Variants in BTRC observed in about 807,000 individuals in gnomAD.
The protein encoded by BTRC is beta-transducin repeat containing E3 ubiquitin protein ligase, also known as F-box/WD repeat-containing protein 1A.
A neutral mutation model predicts 85.5 loss-of-function variants in BTRC; 42 were observed. The observed-to-expected ratio is 0.49, with a 90% CI of 0.38 to 0.64. The LOEUF is 0.64. BTRC is among the 30% of genes least tolerant of loss of function. The pLI, the probability that BTRC is intolerant of heterozygous loss-of-function variation, is 0.00. For synonymous variants in BTRC, 255 were observed against 263.3 expected (o/e 0.97, Z 0.30); for missense variants, 594 against 743.5 (o/e 0.80, Z 2.34).
At chr10:101,396,517 C>A (rs1457604251) in intron 1 of BTRC, among the ~76,000 whole-genome samples, 1 of 150,962 alleles carries the variant, frequency 6.6e-6, no homozygotes, top group African/African-American at 2.4e-5. Context: ...GCCCACTACT[C>A]ACTTGTTCTG....
At chr10:101,459,013 T>C (rs2134162320) in intron 2 of BTRC, among the ~76,000 whole-genome samples, 1 of 152,360 alleles carries the variant, frequency 6.6e-6, no homozygotes, top group South Asian at 2.1e-4. Context: ...ATGCCCAGAC[T>C]GCTCTCAAAC....
chr10:101,487,116 A>G (rs537978591), intron 4 of BTRC, among the ~76,000 whole-genome samples: 1 of 152,322 alleles, frequency 6.6e-6, no homozygotes, highest in South Asian at 2.1e-4. Flanking sequence ...TTGTTGTTAT[A>G]TGGGACAAAA....
At chr10:101,365,465 A>T (rs1942344095) in intron 1 of BTRC, among the ~76,000 whole-genome samples, 1 of 150,316 alleles carries the variant, frequency 6.7e-6, no homozygotes, top group Non-Finnish European at 1.5e-5. Flanking sequence ...CTTTTTAAAA[A>T]TTTTTTATTT....
At position 101,440,728 on chromosome 10, in the gene BTRC, G is replaced by GA. The variant is rs915898059; in HGVS notation, c.156+10285dup. 1.6e-4 allele frequency among the ~76,000 whole-genome samples: 24 copies of GA among 148,564 alleles called. No homozygotes were observed. The East Asian group carries it at 2.0e-3, about 12-fold the overall frequency. On this transcript the variant is annotated intron_variant, in intron 2 of 14. Transcript: ENST00000370187. ...ACAGAGTGAGACTCCATCTAAAAAA[G>GA]AAAAAAAAAGGCAACTATTTAGCTT... is the stretch of plus-strand genomic sequence containing the variant.
chr10:101,429,248 A>T (rs574396906), intron 1 of BTRC, among the ~76,000 whole-genome samples: 1 of 152,228 alleles, frequency 6.6e-6, no homozygotes, highest in South Asian at 2.1e-4. Flanking sequence ...TCATCCTGGG[A>T]TACTTTTAGA....
At chr10:101,410,971 A>G (rs900542120) in intron 1 of BTRC, among the ~76,000 whole-genome samples, 2 of 151,216 alleles carry the variant, frequency 1.3e-5, no homozygotes, top group Non-Finnish European at 2.9e-5. Context: ...CAATTTTAAA[A>G]ATATTGACAT....
At chr10:101,394,009 T>G (rs535932330) in intron 1 of BTRC, among the ~76,000 whole-genome samples, 19 of 152,372 alleles carry the variant, frequency 1.2e-4, no homozygotes, top group African/African-American at 4.3e-4. Context: ...TAATTGAGTC[T>G]GTACCTAGGA....
At chr10:101,498,063 CAGAG>C (rs1425101409) in intron 4 of BTRC, among the ~76,000 whole-genome samples, 1 of 152,042 alleles carries the variant, frequency 6.6e-6, no homozygotes, top group Non-Finnish European at 1.5e-5. Context: ...TTGACATATA[CAGAG>C]AGAGTGATTT....
intron 4 of BTRC, among the ~76,000 whole-genome samples, chr10:101,492,260 C>T (rs1430185199): frequency 1.3e-5 from 2 of 151,974 alleles, no homozygotes; most frequent in Non-Finnish European, 2.9e-5. Context: ...TGTTTGTTTT[C>T]AATGTGGGAG....
intron 13 of BTRC, among the ~76,000 whole-genome samples, chr10:101,540,553 C>A (rs2062451193): frequency 6.6e-6 from 1 of 152,160 alleles, no homozygotes; most frequent in Non-Finnish European, 1.5e-5. Context: ...TAATGTGAGT[C>A]CTTCAGCTTT....
At chr10:101,505,303 C>T (rs1946504987) in intron 4 of BTRC, among the ~76,000 whole-genome samples, 1 of 149,622 alleles carries the variant, frequency 6.7e-6, no homozygotes, top group South Asian at 2.1e-4. Flanking sequence ...CATGCCTGGC[C>T]GTTGACTAAT....
intron 3 of BTRC, among the ~76,000 whole-genome samples, chr10:101,472,617 C>A (rs893730468): frequency 4.6e-5 from 7 of 152,120 alleles, no homozygotes; most frequent in African/African-American, 1.7e-4. Flanking sequence ...GAGTTCGAGA[C>A]CAGCCTGGCC....
chr10:101,541,969 AT>A (rs1233261518), intron 13 of BTRC, among the ~76,000 whole-genome samples: 1 of 151,972 alleles, frequency 6.6e-6, no homozygotes, highest in Non-Finnish European at 1.5e-5. Flanking sequence ...TCCCTCATCT[AT>A]TTTCTAAGAG....
At position 101,442,296 on chromosome 10, in the gene BTRC, ATGTGTGTG is replaced by A. The variant is rs139018865; in HGVS notation, c.156+11860_156+11867del. ...TCTCTCTCTCTCTGTCTCTGTGTGT[ATGTGTGTG>A]TGTGTGTGTGTGTGTAAATGAGATA... On this transcript the variant is annotated intron_variant, in intron 2 of 14. Coordinates refer to ENST00000370187, the MANE Select transcript of BTRC (RefSeq NM_033637.4). Among the ~76,000 whole-genome samples the A allele has an allele frequency of 2.5e-3, 351 of 141,700 alleles. 1 individual carries two copies. The highest frequency in any genetic ancestry group is 7.1e-3 in the Middle Eastern group (2 of 280). 93.0% of individuals were successfully genotyped at this position (141,700 alleles called of 152,430 possible).
chr10:101,489,686 CTA>C (rs1946079439), intron 4 of BTRC, among the ~76,000 whole-genome samples: 1 of 152,166 alleles, frequency 6.6e-6, no homozygotes, highest in Non-Finnish European at 1.5e-5. Context: ...CTCTTCTACT[CTA>C]TACCAAGTTT....
intron 4 of BTRC, among the ~76,000 whole-genome samples, chr10:101,512,565 A>C (rs2061970531): frequency 6.6e-6 from 1 of 152,236 alleles, no homozygotes; most frequent in African/African-American, 2.4e-5. Context: ...ACCTATACAT[A>C]ATACAGTTAG....
intron 1 of BTRC, among the ~76,000 whole-genome samples, chr10:101,397,957 T>C (rs1589420945): frequency 6.6e-6 from 1 of 152,360 alleles, no homozygotes; most frequent in Non-Finnish European, 1.5e-5. Context: ...ATTATTTCCT[T>C]CCCAAATTCC....
At chr10:101,517,881 T>TGTCTTCCA (rs1226961112) in intron 4 of BTRC, among the ~76,000 whole-genome samples, 2 of 151,978 alleles carry the variant, frequency 1.3e-5, no homozygotes, top group East Asian at 3.9e-4. Flanking sequence ...GAGATTGTTC[T>TGTCTTCCA]GTCTTCCATG....
rs575858415 is a variant in BTRC at position 101,557,156 on chromosome 10, T to C, written c.*4033T>C. On this transcript the variant is annotated 3_prime_UTR_variant, in exon 15 of 15. Transcript: ENST00000370187. Reference sequence around the variant, plus strand: ...TTCACCTCTTTGTTCTCTAGACTCTTAAGTACTGACTGCTTTGACTTTTGT... The same window carrying C: ...TTCACCTCTTTGTTCTCTAGACTCTCAAGTACTGACTGCTTTGACTTTTGT... 1.2e-4 allele frequency: 18 copies of C among 152,278 alleles called. No individual in the cohort carries two copies. Among genetic ancestry groups the C allele is most frequent in the Non-Finnish European group, 1.6e-4 (11 of 68,034 alleles). The allele number at this position is 152,278 out of a possible 1,614,324, so 9.4% of individuals were successfully genotyped here. A position where few individuals can be genotyped will look rare whatever the true frequency, so the allele number is the denominator to read the frequency against.
Sources: gnomAD v4.1 joint callset for allele counts (sites outside exome capture counted in the v4.1 genomes callset) on GRCh38, gnomAD v4.1.1 for gene constraint, MANE v1.5 for transcripts, NCBI Gene and HGNC (gene_info 2026-07-23, HGNC 2026-07-21) for gene names.